ITGBL1: variants seen among roughly 807,000 people sequenced by gnomAD.
ITGBL1 encodes the protein integrin beta-like protein 1.
Under a neutral mutation model 68.5 loss-of-function variants are expected in ITGBL1, and 51 were observed. The ratio of observed to expected loss-of-function variants is 0.74; its 90% confidence interval spans 0.59 to 0.94. The LOEUF (loss-of-function observed/expected upper bound fraction) is 0.94. Among genes scored for constraint, ITGBL1 ranks in the 40% least tolerant of loss-of-function variants. The pLI, the probability that ITGBL1 is intolerant of heterozygous loss-of-function variation, is 0.00. For synonymous variants in ITGBL1, 209 were observed against 227.3 expected (o/e 0.92, Z 0.72); for missense variants, 649 against 647.4 (o/e 1.00, Z -0.03).
At chr13:101,663,506 A>G (rs1177542020) in intron 7 of ITGBL1, among the ~76,000 whole-genome samples, 1 of 152,098 alleles carries the variant, frequency 6.6e-6, no homozygotes, top group Non-Finnish European at 1.5e-5. Context: ...CATACCAACC[A>G]TTGATTCTTA....
At chr13:101,493,119 T>A (rs1009752523) in intron 2 of ITGBL1, among the ~76,000 whole-genome samples, 1 of 152,166 alleles carries the variant, frequency 6.6e-6, no homozygotes, top group Non-Finnish European at 1.5e-5. Context: ...TTTCAAATCA[T>A]CCTTGGAATT....
At chr13:101,550,057 C>CTATA (rs781251515) in intron 2 of ITGBL1, among the ~76,000 whole-genome samples, 6 of 152,196 alleles carry the variant, frequency 3.9e-5, no homozygotes, top group Admixed American at 3.3e-4. Flanking sequence ...TGGCTATATA[C>CTATA]TATAGTCACA....
chr13:101,492,625 C>G (rs552631805), intron 2 of ITGBL1, among the ~76,000 whole-genome samples: 1 of 152,274 alleles, frequency 6.6e-6, no homozygotes, highest in South Asian at 2.1e-4. Context: ...TTCCCTCTTT[C>G]CTTTGCCTTT....
At chr13:101,472,660 G>C (rs2048478884) in intron 2 of ITGBL1, among the ~76,000 whole-genome samples, 1 of 151,884 alleles carries the variant, frequency 6.6e-6, no homozygotes, top group Non-Finnish European at 1.5e-5. Flanking sequence ...CCAGTCAACT[G>C]TTTTAAATTA....
At chr13:101,500,520 C>A (rs1321460894) in intron 2 of ITGBL1, among the ~76,000 whole-genome samples, 3 of 152,160 alleles carry the variant, frequency 2.0e-5, no homozygotes, top group Non-Finnish European at 4.4e-5. Flanking sequence ...GATTATTATT[C>A]TTTCAAATTA....
In ITGBL1 at chr13:101,575,562, CTG is replaced by C. The variant is rs2050345245; in HGVS notation, c.586+18_586+19del. 1.2e-6 allele frequency: 2 copies of C among 1,607,296 alleles called. No individual in the cohort carries two copies. The highest frequency in any genetic ancestry group is 1.7e-6 in the Non-Finnish European group (2 of 1,176,000). On this transcript the variant is annotated intron_variant, in intron 4 of 10. Transcript: ENST00000376180. ...ATATGTGGAGGTATGTATATTGGCT[CTG>C]TAGAAATTAATAAAAGTACCTGTTT...
At chr13:101,686,468 C>T (rs1480106089) in intron 7 of ITGBL1, among the ~76,000 whole-genome samples, 1 of 150,506 alleles carries the variant, frequency 6.6e-6, no homozygotes, top group Non-Finnish European at 1.5e-5. Context: ...TATTCAAGTG[C>T]TGACTAATTT....
At chr13:101,636,873 C>A (rs915834845) in intron 7 of ITGBL1, among the ~76,000 whole-genome samples, 6 of 152,166 alleles carry the variant, frequency 3.9e-5, no homozygotes, top group African/African-American at 1.4e-4. Flanking sequence ...CAGTCTACTG[C>A]TTTGATAAAT....
chr13:101,509,844 T>C (rs1239867586), intron 2 of ITGBL1, among the ~76,000 whole-genome samples: 2 of 152,166 alleles, frequency 1.3e-5, no homozygotes, highest in African/African-American at 4.8e-5. Context: ...GTTATTAACT[T>C]CATGTCAGAA....
intron 3 of ITGBL1, among the ~76,000 whole-genome samples, chr13:101,571,664 G>T (rs770198279): frequency 1.2e-4 from 18 of 151,962 alleles, no homozygotes; most frequent in Non-Finnish European, 2.6e-4. Context: ...CCTTCTCTGT[G>T]CATGTATTTC....
intron 2 of ITGBL1, among the ~76,000 whole-genome samples, chr13:101,557,733 T>C (rs1232669654): frequency 6.6e-6 from 1 of 152,098 alleles, no homozygotes; most frequent in East Asian, 1.9e-4. Flanking sequence ...GACGTTAAGT[T>C]CTCAGGCTTG....
chr13:101,551,907 GT>G (rs1225449389), intron 2 of ITGBL1, among the ~76,000 whole-genome samples: 4 of 152,174 alleles, frequency 2.6e-5, no homozygotes, highest in Non-Finnish European at 5.9e-5. Context: ...TTTTCAGAAT[GT>G]GGGGTGATAT....
At chr13:101,468,877 A>G (rs1226562945) in intron 2 of ITGBL1, among the ~76,000 whole-genome samples, 2 of 152,230 alleles carry the variant, frequency 1.3e-5, no homozygotes, top group East Asian at 3.9e-4. Flanking sequence ...TGCATTTAAC[A>G]TCAACCATAT....
At chr13:101,526,606 TA>T (rs1198966702) in intron 2 of ITGBL1, among the ~76,000 whole-genome samples, 1 of 152,080 alleles carries the variant, frequency 6.6e-6, no homozygotes, top group Admixed American at 6.6e-5. Flanking sequence ...GGCTAGTTTC[TA>T]GGCGCTCTTT....
chr13:101,590,957 G>A (rs2050642361), intron 6 of ITGBL1, among the ~76,000 whole-genome samples: 1 of 151,878 alleles, frequency 6.6e-6, no homozygotes. Context: ...AGGCTGGCGT[G>A]CAGTGGCACA....
At chr13:101,605,010 G>GTGTATATGTATATATACATATA (rs1365257689) in intron 7 of ITGBL1, among the ~76,000 whole-genome samples, 64 of 125,726 alleles carry the variant, frequency 5.1e-4, no homozygotes, top group African/African-American at 1.8e-3. Flanking sequence ...ATACATATAT[G>GTGTATATGTATATATACATATA]CGTATATGTG....
At chr13:101,665,796 A>AAT (rs1281916792) in intron 7 of ITGBL1, among the ~76,000 whole-genome samples, 1 of 152,190 alleles carries the variant, frequency 6.6e-6, no homozygotes, top group East Asian at 1.9e-4. Flanking sequence ...TCTTATGCAC[A>AAT]ATTGCCTAAT....
intron 7 of ITGBL1, among the ~76,000 whole-genome samples, chr13:101,687,332 GA>G (rs141006988): frequency 6.6e-6 from 1 of 151,586 alleles, no homozygotes; most frequent in South Asian, 2.1e-4. Context: ...GTTCTTATGA[GA>G]AAAAAATGTA....
chr13:101,455,693 T>C (rs2048234545), intron 2 of ITGBL1, among the ~76,000 whole-genome samples: 1 of 152,120 alleles, frequency 6.6e-6, no homozygotes, highest in South Asian at 2.1e-4. Flanking sequence ...AAAATTAAAA[T>C]ATTGGATGCC....
Sources: allele counts gnomAD v4.1 joint callset (sites outside exome capture counted in the v4.1 genomes callset), GRCh38; gene constraint gnomAD v4.1.1; transcripts MANE v1.5; gene names NCBI Gene and HGNC (gene_info 2026-07-23, HGNC 2026-07-21).